The following GSTO1 variants were observed in gnomAD, a reference collection of about 807,000 sequenced individuals.
GSTO1 encodes the protein glutathione S-transferase omega 1.
GSTO1 carries 27 observed loss-of-function variants against 23.8 expected under a neutral mutation model. The ratio of observed to expected loss-of-function variants is 1.13; its 90% confidence interval spans 0.83 to 1.56. The LOEUF (loss-of-function observed/expected upper bound fraction) is 1.56, where lower values mean the gene tolerates loss of function less well. Among genes scored for constraint, GSTO1 ranks in the 40% most tolerant of loss-of-function variants. The probability of loss-of-function intolerance (pLI) is 0.00; values close to 1 mark genes in which losing one functional copy is unlikely to be tolerated. For synonymous variants in GSTO1, 105 were observed against 109.3 expected, an observed-to-expected ratio of 0.96 and a Z score of 0.25; for missense variants, 255 against 285.8, an observed-to-expected ratio of 0.89 and a Z score of 0.78.
At position 104,264,843 on chromosome 10, in the gene GSTO1, TAA is replaced by T. The variant is rs1300859313; in HGVS notation, c.466-1239_466-1238del. Among the ~76,000 whole-genome samples the T allele has an allele frequency of 2.0e-5, 3 of 152,250 alleles. No individual in the cohort carries two copies. The South Asian group carries it at 6.2e-4, about 31-fold the overall frequency. On this transcript the variant is annotated intron_variant, in intron 4 of 5. Transcript: ENST00000369713. ...AAAACCATCAAACATAAAATATTTA[TAA>T]AGTGTTGAATATCTCATATAATTTA... is the stretch of plus-strand genomic sequence containing the variant.
rs1233007027 is a variant in GSTO1, at chr10:104,254,900, C to T, written c.-29C>T. The T allele has an allele frequency of 3.7e-6, 6 of 1,609,534 alleles. No homozygotes were observed. The highest frequency in any genetic ancestry group is 3.4e-6 in the Non-Finnish European group (4 of 1,178,048). On this transcript the variant is annotated 5_prime_UTR_variant, in exon 1 of 6. Coordinates refer to ENST00000369713, the MANE Select transcript of GSTO1 (RefSeq NM_004832.3). ...TACTTCCTGAATCCCCTGCAAACCC[C>T]AGAGGAGCTCGGCCTGCGCTGCGCC... is the stretch of plus-strand genomic sequence containing the variant.
chr10:104,258,285 CCAA>C (rs1334094112), intron 2 of GSTO1, among the ~76,000 whole-genome samples: 1 of 152,086 alleles, frequency 6.6e-6, no homozygotes, highest in African/African-American at 2.4e-5. Flanking sequence ...ATAAAAACCG[CCAA>C]CGTGTAAAAG....
chr10:104,260,704 G>A lies in GSTO1; in HGVS notation c.366+906G>A, dbSNP rs748495533. Among the ~76,000 whole-genome samples, 88 of 152,178 alleles carry A rather than the reference G, an allele frequency of 5.8e-4. 1 individual carries two copies. Among genetic ancestry groups the A allele is most frequent in the Admixed American group, 2.0e-3 (31 of 15,280 alleles). ...ATATGCCTATAACATTGTCACCTTG[G>A]TAGTACGGTCAGTATATAAAGGATT... On this transcript the variant is annotated intron_variant, in intron 3 of 5. Coordinates refer to ENST00000369713, the MANE Select transcript of GSTO1 (RefSeq NM_004832.3).
chr10:104,255,003 C>G, intron 1 of GSTO1, 41 bp downstream of exon 1: 1 of 1,572,944 alleles, frequency 6.4e-7, no homozygotes, highest in Middle Eastern at 1.7e-4. Flanking sequence ...ATCTCGGCGA[C>G]CCCCGGCGGC....
At chr10:104,267,080 C>T (rs971506922) in intron 5 of GSTO1, among the ~76,000 whole-genome samples, 172 bp from the exon 6 acceptor site, 4 of 152,100 alleles carry the variant, frequency 2.6e-5, no homozygotes, top group Non-Finnish European at 5.9e-5. Flanking sequence ...AAAAAGGGAC[C>T]TCTATAGTGT....
At chr10:104,265,188 C>A (rs1292271066) in intron 4 of GSTO1, among the ~76,000 whole-genome samples, 1 of 152,180 alleles carries the variant, frequency 6.6e-6, no homozygotes, top group Non-Finnish European at 1.5e-5. Context: ...TTTCACAAAG[C>A]GAACACAGCC....
intron 3 of GSTO1, among the ~76,000 whole-genome samples, chr10:104,262,541 A>C (rs922968972): frequency 6.6e-6 from 1 of 152,020 alleles, no homozygotes; most frequent in Non-Finnish European, 1.5e-5. Flanking sequence ...GTGAATCCCC[A>C]TCTCTACTAA....
At position 104,266,157 on chromosome 10, in the gene GSTO1, G is replaced by A; in HGVS notation, c.539G>A (p.Trp180Ter). 1 of 1,609,068 alleles carries A rather than the reference G, an allele frequency of 6.2e-7. No homozygotes were observed. The highest frequency in any genetic ancestry group is 8.5e-7 in the Non-Finnish European group (1 of 1,175,534). ...ATGATTGATTACCTCATCTGGCCCT[G>A]GTTTGAACGGCTGGAAGCAATGAAG... Reference protein sequence around the residue: ...ISMIDYLIWPWFERLEAMKLN... With the variant: ...ISMIDYLIWP The change falls in exon 5 of 6, where the codon TGG becomes TAG. Residue 180 changes from tryptophan to a stop codon, truncating the protein, a stop_gained. Transcript: ENST00000369713. LOFTEE classifies it low-confidence loss of function (END_TRUNC).
rs146195107 is a variant in GSTO1, at chr10:104,266,051, G to A, written c.466-33G>A. ...CTAGTGAGTCTTACTACATGCACAA[G>A]TAAGAAATACTTTTATGCTGTTTAA... On this transcript the variant is annotated intron_variant, in intron 4 of 5. Coordinates refer to ENST00000369713, the MANE Select transcript of GSTO1 (RefSeq NM_004832.3). 1.3e-4 allele frequency: 148 copies of A among 1,141,620 alleles called. 2 individuals carry two copies. In the African/African-American group the frequency reaches 2.1e-3, roughly 16 times the overall value. 70.7% of individuals were successfully genotyped at this position (1,141,620 alleles called of 1,614,324 possible).
In GSTO1 at chr10:104,255,362, C is replaced by A. The variant is rs149211140; in HGVS notation, c.143+91C>A. 490 of 777,996 alleles carry A rather than the reference C, an allele frequency of 6.3e-4. 1 individual carries two copies. The highest frequency in any genetic ancestry group is 9.5e-4 in the Non-Finnish European group (423 of 447,498). The allele number at this position is 777,996 out of a possible 1,614,324, so 48.2% of individuals were successfully genotyped here. A position where few individuals can be genotyped will look rare whatever the true frequency, so the allele number is the denominator to read the frequency against. ...GTGGGGTCTCAGCCCCCTTCTACCC[C>A]CCTCCCACCAGCGTCCTTTACTGCA... On this transcript the variant is annotated intron_variant, in intron 2 of 5. Coordinates refer to ENST00000369713, the MANE Select transcript of GSTO1 (RefSeq NM_004832.3).
intron 2 of GSTO1, 37 bp downstream of exon 2, chr10:104,255,308 CG>C (rs776002662): frequency 7.2e-7 from 1 of 1,394,636 alleles, no homozygotes; most frequent in Admixed American, 1.7e-5. Context: ...CCGAGCCGTC[CG>C]GGAGCCTGCT....
intron 5 of GSTO1, among the ~76,000 whole-genome samples, chr10:104,266,778 G>A (rs1163663225): frequency 1.3e-5 from 2 of 151,794 alleles, no homozygotes; most frequent in African/African-American, 4.8e-5. Flanking sequence ...TTGTAAGGAT[G>A]TTGTTGCGGG....
chr10:104,266,044 T>G (rs763376712), intron 4 of GSTO1, 40 bp from the exon 5 acceptor site: 2 of 1,061,606 alleles, frequency 1.9e-6, no homozygotes, highest in Non-Finnish European at 3.0e-6. Flanking sequence ...TCTTACTACA[T>G]GCACAAGTAA....
At chr10:104,254,623 G>A (rs928460242), upstream of GSTO1, 73 of 484,016 alleles carry the variant, frequency 1.5e-4, no homozygotes, top group African/African-American at 1.3e-3. Flanking sequence ...GTGGAGCCCC[G>A]TGGAGTGCGG....
At position 104,263,105 on chromosome 10, in the gene GSTO1, A is replaced by G. The variant is rs17884170; in HGVS notation, c.465+28A>G. ...AATTATTTCTCCTAGCTATCATCAG[A>G]GTAAACGATAACTATATCTACCCTC... On this transcript the variant is annotated intron_variant, in intron 4 of 5. Transcript: ENST00000369713. The G allele has an allele frequency of 0.017, 15,002 of 898,720 alleles. 184 individuals are homozygous for G. The highest frequency in any genetic ancestry group is 0.031 in the Middle Eastern group (114 of 3,720). 55.7% of individuals were successfully genotyped at this position (898,720 alleles called of 1,614,324 possible).
Position 104,263,767 on chromosome 10 carries a change from A to G in GSTO1, c.465+690A>G, listed in dbSNP as rs78530064. 4.9e-4 allele frequency among the ~76,000 whole-genome samples: 74 copies of G among 152,304 alleles called. 1 individual carries two copies. The East Asian group carries it at 0.014, about 28-fold the overall frequency. On this transcript the variant is annotated intron_variant, in intron 4 of 5. Coordinates refer to ENST00000369713, the MANE Select transcript of GSTO1 (RefSeq NM_004832.3). The stretch of plus-strand genomic sequence containing the variant: ...TTTTCAGAAACCTTTTTTTCATTAT[A>G]AAGTTCTCTTCTATTACTAGTTTGC...
At chr10:104,258,631 C>T (rs1486456735) in intron 2 of GSTO1, among the ~76,000 whole-genome samples, 1 of 152,156 alleles carries the variant, frequency 6.6e-6, no homozygotes, top group African/African-American at 2.4e-5. Context: ...AACCCCGAGG[C>T]AGACAGTTCA....
At chr10:104,256,252 T>A (rs1564835697) in intron 2 of GSTO1, among the ~76,000 whole-genome samples, 1 of 152,348 alleles carries the variant, frequency 6.6e-6, no homozygotes, top group East Asian at 1.9e-4. Context: ...TACTATTTCA[T>A]AATGTTTCTC....
chr10:104,263,550 T>C (rs1223364307), intron 4 of GSTO1, among the ~76,000 whole-genome samples: 1 of 152,184 alleles, frequency 6.6e-6, no homozygotes, highest in Admixed American at 6.5e-5. Flanking sequence ...GTACAGACAC[T>C]TGAGGGAAGC....
Sources: allele counts gnomAD v4.1 joint callset (sites outside exome capture counted in the v4.1 genomes callset), GRCh38; gene constraint gnomAD v4.1.1; transcripts MANE v1.5; gene names NCBI Gene and HGNC (gene_info 2026-07-23, HGNC 2026-07-21).